Variants in LEP observed in about 807,000 individuals in gnomAD.
LEP encodes leptin.
LEP carries 6 observed loss-of-function variants against 9.8 expected under a neutral mutation model. That is an observed-to-expected ratio of 0.61 (90% CI 0.34 to 1.21). The LOEUF (loss-of-function observed/expected upper bound fraction) is 1.21. Ranked by LOEUF, LEP falls within the 50% of genes most tolerant of loss-of-function variation. The pLI, the probability that LEP is intolerant of heterozygous loss-of-function variation, is 0.04. For missense variants in LEP, 134 were observed against 198.1 expected (o/e 0.68, Z 1.94); for synonymous variants, 112 against 81.7 (o/e 1.37, Z -2.00).
At position 128,257,255 on chromosome 7, in the gene LEP, TG is replaced by T. The variant is rs1435696711; in HGVS notation, c.*2493del. ...AACTTCCTAAGTATAAATGGTTGTCTGTTTTTGTAACTTAAAAAAAAAAAAA... is the reference window on the plus strand; with the variant it reads ...AACTTCCTAAGTATAAATGGTTGTCTTTTTTGTAACTTAAAAAAAAAAAAA... On this transcript the variant is annotated 3_prime_UTR_variant, in exon 3 of 3. Coordinates refer to ENST00000308868, the MANE Select transcript of LEP (RefSeq NM_000230.3). 2 of 151,490 alleles carry T rather than the reference TG, an allele frequency of 1.3e-5. No individual in the cohort carries two copies. The highest frequency in any genetic ancestry group is 4.9e-5 in the African/African-American group (2 of 41,182). 9.4% of individuals were successfully genotyped at this position (151,490 alleles called of 1,614,324 possible).
chr7:128,252,452 G>T (rs556570807), intron 2 of LEP, among the ~76,000 whole-genome samples: 1 of 152,214 alleles, frequency 6.6e-6, no homozygotes. Flanking sequence ...GATTTGGGCT[G>T]GGTGTGGTGG....
intron 1 of LEP, among the ~76,000 whole-genome samples, chr7:128,242,021 T>C (rs1020766629): frequency 6.6e-6 from 1 of 152,244 alleles, no homozygotes; most frequent in Non-Finnish European, 1.5e-5. Context: ...AAATACGCGC[T>C]GTTGGCCCAC....
intron 1 of LEP, among the ~76,000 whole-genome samples, chr7:128,244,246 GACACACACACACACAC>G (rs60815271): frequency 1.1e-4 from 16 of 147,144 alleles, no homozygotes; most frequent in Admixed American, 3.4e-4. Context: ...GCAAGACCCT[GACACACACACACACAC>G]ACACACACAC....
chr7:128,254,399 C>G lies in LEP; in HGVS notation c.145-5C>G. The G allele has an allele frequency of 6.2e-7, 1 of 1,612,746 alleles. No individual in the cohort carries two copies. Among genetic ancestry groups the G allele is most frequent in the Admixed American group, 1.7e-5 (1 of 60,022 alleles). ...GCACTTGTTCTCCCTCTTCCTCCTG[C>G]ATAGCAGTCAGTCTCCTCCAAACAG... On this transcript the variant is annotated splice_polypyrimidine_tract_variant and splice_region_variant and intron_variant, in intron 2 of 2. Coordinates refer to ENST00000308868, the MANE Select transcript of LEP (RefSeq NM_000230.3).
intron 1 of LEP, among the ~76,000 whole-genome samples, chr7:128,246,639 T>A (rs1413006126): frequency 6.6e-6 from 1 of 150,732 alleles, no homozygotes; most frequent in Non-Finnish European, 1.5e-5. Context: ...TTATTTTTAT[T>A]TTTTTTAGAG....
chr7:128,252,674 T>C (rs749083924), intron 2 of LEP, among the ~76,000 whole-genome samples: 2 of 152,088 alleles, frequency 1.3e-5, no homozygotes, highest in African/African-American at 2.4e-5. Flanking sequence ...GAGGCTGCAG[T>C]GGGCCCTGAT....
At chr7:128,248,556 C>A (rs759746898) in intron 1 of LEP, among the ~76,000 whole-genome samples, 3 of 152,184 alleles carry the variant, frequency 2.0e-5, no homozygotes, top group Non-Finnish European at 4.4e-5. Flanking sequence ...GCTGAGATCA[C>A]AACACTGCAC....
intron 1 of LEP, among the ~76,000 whole-genome samples, chr7:128,241,694 C>G (rs910702440): frequency 5.3e-5 from 8 of 152,168 alleles, no homozygotes; most frequent in African/African-American, 1.4e-4. Flanking sequence ...GTAGGAGAGA[C>G]GCAGATGCAA....
At chr7:128,242,521 A>G (rs1795163216) in intron 1 of LEP, among the ~76,000 whole-genome samples, 1 of 152,100 alleles carries the variant, frequency 6.6e-6, no homozygotes, top group Non-Finnish European at 1.5e-5. Context: ...CATTTCTCTC[A>G]CTTAGGCAGG....
intron 2 of LEP, among the ~76,000 whole-genome samples, chr7:128,252,800 A>G (rs1795291173): frequency 6.6e-6 from 1 of 151,966 alleles, no homozygotes; most frequent in African/African-American, 2.4e-5. Flanking sequence ...CTGTAAGCCC[A>G]TTGCTTTAGG....
rs1795311621 is a variant in LEP at position 128,254,456 on chromosome 7, T to A, written c.197T>A (p.Leu66His). The A allele has an allele frequency of 1.2e-6, 2 of 1,614,056 alleles. No homozygotes were observed. The highest frequency in any genetic ancestry group is 1.7e-6 in the Non-Finnish European group (2 of 1,180,008). The change falls in exon 3 of 3, where the codon CTC becomes CAC. Residue 66 changes from leucine to histidine, a missense_variant. By Grantham distance (99) the Leu-to-His change is moderately conservative. Transcript: ENST00000308868. Reference sequence around the variant, plus strand: ...ACCGGTTTGGACTTCATTCCTGGGCTCCACCCCATCCTGACCTTATCCAAG... The same window carrying A: ...ACCGGTTTGGACTTCATTCCTGGGCACCACCCCATCCTGACCTTATCCAAG... Reference protein sequence around the residue: ...KVTGLDFIPGLHPILTLSKMD... With the variant: ...KVTGLDFIPGHHPILTLSKMD...
At chr7:128,241,514 G>C (rs550483834) in intron 1 of LEP, among the ~76,000 whole-genome samples, 9 of 152,352 alleles carry the variant, frequency 5.9e-5, no homozygotes, top group Admixed American at 2.6e-4. Flanking sequence ...CTGCTGGGCT[G>C]TGCCGGTGCC....
chr7:128,243,765 T>A (rs1422343124), intron 1 of LEP, among the ~76,000 whole-genome samples: 2 of 152,174 alleles, frequency 1.3e-5, no homozygotes, highest in African/African-American at 2.4e-5. Flanking sequence ...CCAATGCAGA[T>A]CGAGAATGGG....
chr7:128,248,514 T>A (rs1795240889), intron 1 of LEP, among the ~76,000 whole-genome samples: 1 of 151,904 alleles, frequency 6.6e-6, no homozygotes, highest in Non-Finnish European at 1.5e-5. Context: ...GCAAGAGAAT[T>A]GCTTGAACCC....
At chr7:128,242,472 C>T (rs1334189457) in intron 1 of LEP, among the ~76,000 whole-genome samples, 1 of 152,182 alleles carries the variant, frequency 6.6e-6, no homozygotes, top group Non-Finnish European at 1.5e-5. Flanking sequence ...GTGAGTGCTC[C>T]TGTTCTAATG....
chr7:128,246,093 A>T (rs1795207793), intron 1 of LEP, among the ~76,000 whole-genome samples: 2 of 152,014 alleles, frequency 1.3e-5, no homozygotes, highest in African/African-American at 4.8e-5. Context: ...AAAATAAAAA[A>T]ATAAAAAAAA....
chr7:128,253,365 C>A (rs1185707100), intron 2 of LEP, among the ~76,000 whole-genome samples: 1 of 152,164 alleles, frequency 6.6e-6, no homozygotes, highest in African/African-American at 2.4e-5. Context: ...CAGGCCTAGA[C>A]CTTCAGCCAT....
intron 2 of LEP, 143 bp from the exon 3 acceptor site, chr7:128,254,261 A>G: frequency 2.9e-6 from 3 of 1,047,002 alleles, no homozygotes; most frequent in Non-Finnish European, 4.4e-6. Flanking sequence ...TGCAGGATAC[A>G]AGGGCCTGAG....
In LEP at chr7:128,254,310, G is replaced by A. The variant is rs1001433165; in HGVS notation, c.145-94G>A. The stretch of plus-strand genomic sequence containing the variant: ...GGAGGGTGGAAGGAGGCAGCCCAGA[G>A]AATGACCCTCCATGCCCACGGGGAA... On this transcript the variant is annotated intron_variant, in intron 2 of 2. Transcript: ENST00000308868. The A allele has an allele frequency of 2.6e-6, 4 of 1,542,828 alleles. No individual in the cohort carries two copies. In the African/African-American group the frequency reaches 5.4e-5, roughly 21 times the overall value.
Sources: allele counts gnomAD v4.1 joint callset (sites outside exome capture counted in the v4.1 genomes callset), GRCh38; gene constraint gnomAD v4.1.1; transcripts MANE v1.5; gene names NCBI Gene and HGNC (gene_info 2026-07-23, HGNC 2026-07-21).